The following STK32B variants were observed in gnomAD, a reference collection of about 807,000 sequenced individuals.
STK32B encodes the protein serine/threonine kinase 32B, also known as serine/threonine-protein kinase 32B.
Under a neutral mutation model 52.6 loss-of-function variants are expected in STK32B, and 43 were observed. That is an observed-to-expected ratio of 0.82 (90% CI 0.64 to 1.05). The LOEUF (loss-of-function observed/expected upper bound fraction) is 1.05, where lower values mean the gene tolerates loss of function less well. STK32B is among the 50% of genes least tolerant of loss of function. STK32B has a pLI of 0.00. For synonymous variants in STK32B, 238 were observed against 204.3 expected (o/e 1.17, Z -1.41); for missense variants, 621 against 534.6 (o/e 1.16, Z -1.59).
intron 11 of STK32B, among the ~76,000 whole-genome samples, chr4:5,480,314 G>C (rs112403167): frequency 0.067 from 10,189 of 152,194 alleles, 481 homozygotes; most frequent in African/African-American, 0.14. Context: ...AGGAGGTCCT[G>C]AGAACATATA....
chr4:5,448,097 C>T (rs749466029), intron 7 of STK32B, among the ~76,000 whole-genome samples: 8 of 152,184 alleles, frequency 5.3e-5, no homozygotes, highest in Non-Finnish European at 1.0e-4. Flanking sequence ...ACACCATGAA[C>T]GCTGTGAGTG....
chr4:5,285,339 T>A (rs1400484835), intron 3 of STK32B, among the ~76,000 whole-genome samples: 1 of 152,096 alleles, frequency 6.6e-6, no homozygotes, highest in African/African-American at 2.4e-5. Flanking sequence ...GATAAAAATA[T>A]ATCTGTGACC....
chr4:5,281,292 T>C (rs1481038613), intron 3 of STK32B, among the ~76,000 whole-genome samples: 2 of 152,158 alleles, frequency 1.3e-5, no homozygotes, highest in Admixed American at 6.6e-5. Flanking sequence ...TATCAGTCAC[T>C]ATGGCATAAT....
intron 6 of STK32B, among the ~76,000 whole-genome samples, chr4:5,426,196 C>T (rs377540752): frequency 1.3e-5 from 2 of 152,132 alleles, no homozygotes; most frequent in East Asian, 3.9e-4. Flanking sequence ...TCCATTCCCA[C>T]AAGCAGCGAA....
chr4:5,442,205 G>C (rs1412878929), intron 6 of STK32B, among the ~76,000 whole-genome samples: 1 of 138,842 alleles, frequency 7.2e-6, no homozygotes, highest in Non-Finnish European at 1.5e-5. Flanking sequence ...ACAGTGGGGT[G>C]TTAAAGTCTC....
chr4:5,320,451 C>T (rs1422459965), intron 3 of STK32B, among the ~76,000 whole-genome samples: 1 of 152,172 alleles, frequency 6.6e-6, no homozygotes, highest in Non-Finnish European at 1.5e-5. Flanking sequence ...CATGGCTTAA[C>T]CCTGTGTGTA....
chr4:5,030,438 T>A, the STK32B span, among the ~76,000 whole-genome samples: 9 of 152,320 alleles, frequency 5.9e-5, no homozygotes, highest in African/African-American at 1.9e-4. Context: ...CATTGTGAAG[T>A]TGATGAAACT....
intron 3 of STK32B, among the ~76,000 whole-genome samples, chr4:5,307,063 C>G (rs564727659): frequency 2.6e-5 from 4 of 152,080 alleles, no homozygotes; most frequent in Admixed American, 1.3e-4. Flanking sequence ...CCTCACAGCT[C>G]TTAAGATTAT....
intron 9 of STK32B, among the ~76,000 whole-genome samples, chr4:5,462,083 A>T (rs1305098147): frequency 6.7e-6 from 1 of 148,542 alleles, no homozygotes; most frequent in African/African-American, 2.4e-5. Flanking sequence ...CTGTGTGGGT[A>T]TGTGTGGAAG....
chr4:5,462,825 C>A (rs916109856), intron 9 of STK32B, among the ~76,000 whole-genome samples: 1 of 152,198 alleles, frequency 6.6e-6, no homozygotes, highest in Non-Finnish European at 1.5e-5. Context: ...CCAGACATTG[C>A]CAAGCATCCC....
In STK32B at chr4:5,289,796, GCCC is replaced by G. The variant is rs1389996451; in HGVS notation, c.261-41420_261-41418del. ...TTGACCTTGTGATCCGCCTGCCTCG[GCCC>G]CCCAAAGTGCTGGGATTACAAGCGT... is the stretch of plus-strand genomic sequence containing the variant. On this transcript the variant is annotated intron_variant, in intron 3 of 11. Transcript: ENST00000282908. Among the ~76,000 whole-genome samples the G allele has an allele frequency of 3.4e-5, 5 of 148,264 alleles. No individual in the cohort carries two copies. The Admixed American group carries it at 3.4e-4, about 10-fold the overall frequency.
At chr4:5,119,433 A>G (rs912226421) in intron 1 of STK32B, among the ~76,000 whole-genome samples, 3 of 152,258 alleles carry the variant, frequency 2.0e-5, no homozygotes, top group African/African-American at 7.2e-5. Context: ...AGTGGGAAAT[A>G]GTTTGGCCTT....
At chr4:5,496,000 C>G (rs896782780) in intron 11 of STK32B, among the ~76,000 whole-genome samples, 13 of 152,202 alleles carry the variant, frequency 8.5e-5, no homozygotes, top group African/African-American at 3.1e-4. Context: ...GGGGGTGCCT[C>G]CCGGTTAGGC....
chr4:5,200,180 A>T (rs1381682610), intron 3 of STK32B, among the ~76,000 whole-genome samples: 1 of 151,786 alleles, frequency 6.6e-6, no homozygotes, highest in African/African-American at 2.4e-5. Context: ...AGCAATGCCC[A>T]ATTACTCTTA....
At chr4:5,487,307 C>T (rs1324618672) in intron 11 of STK32B, among the ~76,000 whole-genome samples, 1 of 152,172 alleles carries the variant, frequency 6.6e-6, no homozygotes, top group Non-Finnish European at 1.5e-5. Flanking sequence ...TGGGCATGAG[C>T]AGTCATCTGG....
intron 3 of STK32B, among the ~76,000 whole-genome samples, chr4:5,207,085 C>A (rs1722619187): frequency 6.6e-6 from 1 of 152,148 alleles, no homozygotes. Context: ...CAGTCACACG[C>A]CTTCATTTAT....
At chr4:5,053,223 G>A (rs568600638) in intron 1 of STK32B, among the ~76,000 whole-genome samples, 3 of 152,284 alleles carry the variant, frequency 2.0e-5, no homozygotes, top group South Asian at 2.1e-4. Flanking sequence ...CTGAATGACC[G>A]TCCATGGTGA....
intron 3 of STK32B, among the ~76,000 whole-genome samples, chr4:5,298,206 A>G (rs1221639216): frequency 1.3e-5 from 2 of 152,148 alleles, no homozygotes; most frequent in Non-Finnish European, 2.9e-5. Context: ...GCTCTCCTGT[A>G]TAAGGTGTCT....
In STK32B at chr4:5,246,409, G is replaced by C. The variant is rs143830404; in HGVS notation, c.260+77959G>C. 3.1e-3 allele frequency among the ~76,000 whole-genome samples: 465 copies of C among 152,254 alleles called. 6 individuals are homozygous for C. The highest frequency in any genetic ancestry group is 0.016 in the Admixed American group (251 of 15,298). On this transcript the variant is annotated intron_variant, in intron 3 of 11. Coordinates refer to ENST00000282908, the MANE Select transcript of STK32B (RefSeq NM_018401.3). ...ATTTGTCACGTAGTTCTTGTGCCTT[G>C]GTTTTCAGCTCCATCAGCTACTTTA...
Sources: allele counts gnomAD v4.1 joint callset (sites outside exome capture counted in the v4.1 genomes callset), GRCh38; gene constraint gnomAD v4.1.1; transcripts MANE v1.5; gene names NCBI Gene and HGNC (gene_info 2026-07-23, HGNC 2026-07-21).